Variants in GRM8 observed in about 807,000 individuals in gnomAD.
GRM8 encodes the protein glutamate metabotropic receptor 8, also known as metabotropic glutamate receptor 8.
A neutral mutation model predicts 87.2 loss-of-function variants in GRM8; 47 were observed. The ratio of observed to expected loss-of-function variants is 0.54; its 90% CI spans 0.43 to 0.69. GRM8 has a LOEUF of 0.69. Ranked by LOEUF, GRM8 falls within the 30% of genes least tolerant of loss-of-function variation. The pLI is 0.00. For synonymous variants in GRM8, 396 were observed against 404.5 expected (o/e 0.98, Z 0.25); for missense variants, 1,019 against 1,139.2 (o/e 0.89, Z 1.52).
chr7:126,515,478 C>A (rs1051203441), intron 9 of GRM8, among the ~76,000 whole-genome samples: 2 of 152,008 alleles, frequency 1.3e-5, no homozygotes, highest in Non-Finnish European at 2.9e-5. Context: ...GCTGTTATAA[C>A]AAAATTACCA....
chr7:127,200,355 T>A (rs1424971128), intron 2 of GRM8, among the ~76,000 whole-genome samples: 2 of 152,218 alleles, frequency 1.3e-5, no homozygotes, highest in African/African-American at 4.8e-5. Context: ...TTTCCACTTG[T>A]GGCAGGATTT....
intron 9 of GRM8, among the ~76,000 whole-genome samples, chr7:126,482,651 G>C (rs1289282471): frequency 6.6e-6 from 1 of 151,964 alleles, no homozygotes; most frequent in African/African-American, 2.4e-5. Flanking sequence ...AAGAGGAATT[G>C]AGAAGATATT....
chr7:127,153,884 T>C (rs907023046), intron 2 of GRM8, among the ~76,000 whole-genome samples: 4 of 152,018 alleles, frequency 2.6e-5, no homozygotes, highest in Non-Finnish European at 5.9e-5. Context: ...GGCCAACATA[T>C]ACATAAAGAA....
Position 126,904,688 on chromosome 7 carries a change from T to G in GRM8, c.728-5A>C. The G allele has an allele frequency of 6.2e-7, 1 of 1,612,016 alleles. No individual in the cohort carries two copies. The highest frequency in any genetic ancestry group is 8.5e-7 in the Non-Finnish European group (1 of 1,178,762). ...ACTGAGCAATGCAAACACCACCTAT[T>G]TAAAAAAGAAGGGAGGTGGTGATTC... On this transcript the variant is annotated splice_polypyrimidine_tract_variant and splice_region_variant and intron_variant, in intron 3 of 10. Coordinates refer to ENST00000339582, the MANE Select transcript of GRM8 (RefSeq NM_000845.3).
At chr7:127,247,855 C>T (rs1213873334) in intron 1 of GRM8, among the ~76,000 whole-genome samples, 1 of 152,148 alleles carries the variant, frequency 6.6e-6, no homozygotes, top group Admixed American at 6.5e-5. Context: ...GCCAACTGAA[C>T]ACAATAACTG....
chr7:126,721,982 C>A (rs1357322218), intron 7 of GRM8, among the ~76,000 whole-genome samples: 2 of 152,038 alleles, frequency 1.3e-5, no homozygotes, highest in Non-Finnish European at 2.9e-5. Context: ...CCAATGAACA[C>A]TTAAGCAGAG....
intron 6 of GRM8, among the ~76,000 whole-genome samples, chr7:126,795,597 A>C (rs931030504): frequency 6.6e-5 from 10 of 152,122 alleles, no homozygotes; most frequent in Non-Finnish European, 8.8e-5. Context: ...GAGAGGAGTC[A>C]TGAGTAACAA....
chr7:127,103,940 T>A (rs1188005475), intron 3 of GRM8, among the ~76,000 whole-genome samples: 2 of 152,154 alleles, frequency 1.3e-5, no homozygotes, highest in Non-Finnish European at 2.9e-5. Flanking sequence ...ACTCATAAAC[T>A]TCATTCTCCC....
chr7:127,179,018 C>A (rs982167995), intron 2 of GRM8, among the ~76,000 whole-genome samples: 2 of 152,132 alleles, frequency 1.3e-5, no homozygotes, highest in Non-Finnish European at 2.9e-5. Flanking sequence ...CATATCAATA[C>A]TACATTGAAT....
chr7:127,163,437 CCT>C (rs1441008203), intron 2 of GRM8, among the ~76,000 whole-genome samples: 1 of 152,214 alleles, frequency 6.6e-6, no homozygotes, highest in East Asian at 1.9e-4. Context: ...ACAAATACAA[CCT>C]CCATGGGTTT....
chr7:127,235,296 T>G (rs947054371), intron 2 of GRM8, among the ~76,000 whole-genome samples: 3 of 152,100 alleles, frequency 2.0e-5, no homozygotes, highest in Non-Finnish European at 4.4e-5. Context: ...CGCCCAAGAG[T>G]CATGGTGCTC....
intron 8 of GRM8, among the ~76,000 whole-genome samples, chr7:126,549,275 T>C (rs1265064562): frequency 1.3e-5 from 2 of 152,108 alleles, no homozygotes; most frequent in Non-Finnish European, 2.9e-5. Flanking sequence ...TTTTTTTTTC[T>C]GAAGAAACAT....
At chr7:126,600,145 TTTA>T (rs1303946189) in intron 8 of GRM8, among the ~76,000 whole-genome samples, 15 of 152,184 alleles carry the variant, frequency 9.9e-5, no homozygotes, top group Non-Finnish European at 2.2e-4. Context: ...ATTCAAATAG[TTTA>T]TTATTTAATC....
At chr7:126,743,675 C>G (rs1362343608) in intron 7 of GRM8, among the ~76,000 whole-genome samples, 2 of 152,062 alleles carry the variant, frequency 1.3e-5, no homozygotes, top group Non-Finnish European at 2.9e-5. Context: ...GCTTCTCTAA[C>G]AGTATACGTT....
At chr7:126,586,846 A>G (rs1246492322) in intron 8 of GRM8, among the ~76,000 whole-genome samples, 1 of 152,174 alleles carries the variant, frequency 6.6e-6, no homozygotes, top group African/African-American at 2.4e-5. Context: ...TAATTAAACT[A>G]AAGGGCTTCT....
intron 7 of GRM8, among the ~76,000 whole-genome samples, chr7:126,615,331 T>G (rs1799354599): frequency 1.3e-5 from 2 of 151,996 alleles, no homozygotes; most frequent in Non-Finnish European, 2.9e-5. Context: ...TGCTGAGAGA[T>G]TTTGTCACCA....
chr7:126,464,857 C>T (rs868146199), intron 9 of GRM8, among the ~76,000 whole-genome samples: 11 of 151,594 alleles, frequency 7.3e-5, no homozygotes, highest in Admixed American at 1.3e-4. Flanking sequence ...TTGTCTATGT[C>T]TTGAAAAGTT....
intron 2 of GRM8, among the ~76,000 whole-genome samples, chr7:127,193,477 A>G (rs1168171407): frequency 6.6e-6 from 1 of 152,206 alleles, no homozygotes; most frequent in Non-Finnish European, 1.5e-5. Context: ...ATCCCCTAGC[A>G]GGTAGGTCAA....
chr7:126,772,139 C>T (rs187566916), intron 6 of GRM8, among the ~76,000 whole-genome samples: 10 of 152,154 alleles, frequency 6.6e-5, no homozygotes, highest in South Asian at 2.1e-4. Flanking sequence ...CTGTTATTTC[C>T]GTATAGATTC....
Sources: gnomAD v4.1 joint callset for allele counts (sites outside exome capture counted in the v4.1 genomes callset) on GRCh38, gnomAD v4.1.1 for gene constraint, MANE v1.5 for transcripts, NCBI Gene and HGNC (gene_info 2026-07-23, HGNC 2026-07-21) for gene names.